The following PLEKHA7 variants were observed in gnomAD, a reference collection of about 807,000 sequenced individuals.
PLEKHA7 encodes pleckstrin homology domain containing A7.
Under a neutral mutation model 170.0 loss-of-function variants are expected in PLEKHA7, and 104 were observed. The observed-to-expected ratio is 0.61, with a 90% CI of 0.52 to 0.72. The LOEUF is 0.72. Ranked by LOEUF, PLEKHA7 falls within the 30% of genes least tolerant of loss-of-function variation. PLEKHA7 has a pLI of 0.00. For missense variants in PLEKHA7, 1,615 were observed against 1,671.7 expected, an observed-to-expected ratio of 0.97 and a Z score of 0.59; for synonymous variants, 648 against 660.8, an observed-to-expected ratio of 0.98 and a Z score of 0.30.
At chr11:16,959,233 C>CTCCT (rs1861898472) in intron 3 of PLEKHA7, among the ~76,000 whole-genome samples, 1 of 119,924 alleles carries the variant, frequency 8.3e-6, no homozygotes, top group Non-Finnish European at 2.0e-5. Flanking sequence ...CCCTCTCTCC[C>CTCCT]CCTCAGGTAG....
At position 16,791,100 on chromosome 11, in the gene PLEKHA7, G is replaced by A. The variant is rs202220441; in HGVS notation, c.2845C>T (p.Arg949Trp). ...PPLPREATII[R>W]HTSVRGLKRQ... ...TTGAGGCCCCGCACAGATGTGTGCC[G>A]GATGATGGTGGCCTCTCTTGGCAGA... is the stretch of plus-strand genomic sequence containing the variant. Residue 949 changes from arginine (R) to tryptophan (W), a missense_variant, in exon 20 of 27, where the codon CGG becomes TGG. Arg to Trp is a moderately radical substitution (Grantham distance 101). Transcript: ENST00000531066. The surrounding 1 kb of genome is among the most constrained non-coding windows in gnomAD (Gnocchi z 4.5). The A allele has an allele frequency of 8.1e-6, 13 of 1,614,028 alleles. No homozygotes were observed. The highest frequency in any genetic ancestry group is 2.2e-5 in the East Asian group (1 of 44,882).
chr11:16,850,767 A>C (rs949736075), intron 8 of PLEKHA7, among the ~76,000 whole-genome samples: 12 of 152,362 alleles, frequency 7.9e-5, no homozygotes, highest in Admixed American at 7.8e-4. Context: ...AAGTGGACAA[A>C]GCTGACAGCC....
At chr11:16,906,220 GAGGT>G (rs1857652611) in intron 3 of PLEKHA7, among the ~76,000 whole-genome samples, 2 of 110,864 alleles carry the variant, frequency 1.8e-5, no homozygotes, top group South Asian at 3.0e-4. Flanking sequence ...AAGTTAAAAT[GAGGT>G]AGGAAGGAAG....
At chr11:16,879,171 T>A (rs1299970554) in intron 3 of PLEKHA7, among the ~76,000 whole-genome samples, 4 of 152,200 alleles carry the variant, frequency 2.6e-5, no homozygotes, top group African/African-American at 9.6e-5. Flanking sequence ...ACTGATTATA[T>A]CCTCGCTAGT....
At chr11:16,991,412 C>A (rs908329068) in intron 3 of PLEKHA7, among the ~76,000 whole-genome samples, 1 of 152,018 alleles carries the variant, frequency 6.6e-6, no homozygotes, top group African/African-American at 2.4e-5. Flanking sequence ...TATAACATGT[C>A]TGAGTCAGGC....
At chr11:16,786,934 C>A (rs954242280) in intron 23 of PLEKHA7, 1 of 985,216 alleles carries the variant, frequency 1.0e-6, no homozygotes, top group Non-Finnish European at 1.2e-6. Flanking sequence ...CAGCTTGGAG[C>A]CAATGAGGCA....
intron 4 of PLEKHA7, 39 bp from the exon 5 acceptor site, chr11:16,855,953 G>A (rs78649989): frequency 4.0e-5 from 61 of 1,511,114 alleles, no homozygotes; most frequent in Non-Finnish European, 5.5e-5. Flanking sequence ...TAAAAGCCGA[G>A]CTATAGAGTA....
At chr11:17,003,835 G>A (rs1342498669) in intron 3 of PLEKHA7, among the ~76,000 whole-genome samples, 1 of 152,134 alleles carries the variant, frequency 6.6e-6, no homozygotes, top group East Asian at 1.9e-4. Context: ...TCCTGAAGAG[G>A]GCTGGATGAG....
At chr11:16,843,600 C>T (rs1590307286) in intron 8 of PLEKHA7, among the ~76,000 whole-genome samples, 1 of 152,210 alleles carries the variant, frequency 6.6e-6, no homozygotes, top group Non-Finnish European at 1.5e-5. Flanking sequence ...TTCACTATCA[C>T]AGGAAGGATT....
At chr11:16,863,260 T>C (rs1854119995) in intron 4 of PLEKHA7, among the ~76,000 whole-genome samples, 1 of 152,158 alleles carries the variant, frequency 6.6e-6, no homozygotes, top group African/African-American at 2.4e-5. Context: ...AAAGACAGTA[T>C]CTTCTTTAAG....
chr11:16,915,827 G>C (rs1056345076), intron 3 of PLEKHA7, among the ~76,000 whole-genome samples: 2 of 149,318 alleles, frequency 1.3e-5, no homozygotes, highest in African/African-American at 2.5e-5. Context: ...AAACATACGT[G>C]TGCATGTGTC....
Position 16,848,257 on chromosome 11 carries a change from T to C in PLEKHA7, c.696+2934A>G, listed in dbSNP as rs116502131. Among the ~76,000 whole-genome samples, 564 of 152,368 alleles carry C rather than the reference T, an allele frequency of 3.7e-3. 7 individuals are homozygous for C. Among genetic ancestry groups the C allele is most frequent in the African/African-American group, 0.013 (539 of 41,586 alleles). On this transcript the variant is annotated intron_variant, in intron 8 of 26. Transcript: ENST00000531066. ...ATAAGCCCTAAAAAAGCAAGGATTT[T>C]GTCCTATTCATTGCTGTTTCCCTAG...
intron 4 of PLEKHA7, among the ~76,000 whole-genome samples, chr11:16,857,828 C>G (rs972484361): frequency 2.6e-5 from 4 of 152,246 alleles, no homozygotes; most frequent in Non-Finnish European, 5.9e-5. Context: ...AAGTGATTCT[C>G]CTGCCTCAGC....
At chr11:16,990,289 A>C (rs1043855467) in intron 3 of PLEKHA7, among the ~76,000 whole-genome samples, 1 of 148,580 alleles carries the variant, frequency 6.7e-6, no homozygotes, top group Non-Finnish European at 1.5e-5. Context: ...AAAAAAAAAA[A>C]AAAAAAAAAA....
At chr11:16,796,959 T>G (rs914319667) in intron 17 of PLEKHA7, among the ~76,000 whole-genome samples, 1 of 152,214 alleles carries the variant, frequency 6.6e-6, no homozygotes, top group African/African-American at 2.4e-5. Context: ...TGAGCCACCA[T>G]GACCAGCCGA....
intron 17 of PLEKHA7, among the ~76,000 whole-genome samples, chr11:16,798,744 A>T (rs1255972302): frequency 6.6e-6 from 1 of 152,214 alleles, no homozygotes; most frequent in Non-Finnish European, 1.5e-5. Flanking sequence ...GGTTTGGCAT[A>T]TCCATCAACT....
chr11:16,955,147 C>T (rs1861626075), intron 3 of PLEKHA7, among the ~76,000 whole-genome samples: 1 of 152,108 alleles, frequency 6.6e-6, no homozygotes, highest in African/African-American at 2.4e-5. Context: ...CTAGAGAATA[C>T]AAAGAAGAAA....
intron 17 of PLEKHA7, among the ~76,000 whole-genome samples, chr11:16,798,045 C>T (rs1355557811): frequency 1.3e-5 from 2 of 152,224 alleles, no homozygotes; most frequent in South Asian, 2.1e-4. Context: ...GGTAGAAAGG[C>T]TCCTATGTGC....
rs1236559860 is a variant in PLEKHA7 at position 16,783,824 on chromosome 11, G to A, written c.3526C>T (p.Pro1176Ser). 3 of 1,492,900 alleles carry A rather than the reference G, an allele frequency of 2.0e-6. No individual in the cohort carries two copies. The highest frequency in any genetic ancestry group is 2.7e-6 in the Non-Finnish European group (3 of 1,126,142). 92.5% of individuals were successfully genotyped at this position (1,492,900 alleles called of 1,614,324 possible). A position where few individuals can be genotyped will look rare whatever the true frequency, so the allele number is the denominator to read the frequency against. Residue 1176 changes from proline to serine, a missense_variant, in exon 25 of 27, where the codon CCA (proline) becomes TCA (serine). Pro to Ser is a moderately conservative substitution (Grantham distance 74). Transcript: ENST00000531066. Reference sequence around the variant, plus strand: ...CGCTCAGGGATTGACACCTTCTCTGGTTTGGACAGCTGGGGAGAGGCCAGG... The same window carrying A: ...CGCTCAGGGATTGACACCTTCTCTGATTTGGACAGCTGGGGAGAGGCCAGG... ...DLDISRELSK[P>S]EKVSIPERYV...
Sources: gnomAD v4.1 joint callset for allele counts (sites outside exome capture counted in the v4.1 genomes callset) on GRCh38, gnomAD v4.1.1 for gene constraint, Gnocchi (gnomAD v3.1) non-coding constraint, MANE v1.5 for transcripts, NCBI Gene and HGNC (gene_info 2026-07-23, HGNC 2026-07-21) for gene names.